The following LIMS1 variants were observed in gnomAD, a reference collection of about 807,000 sequenced individuals.
LIMS1 encodes the protein LIM zinc finger domain containing 1, also known as LIM and senescent cell antigen-like-containing domain protein 1.
LIMS1 carries 18 observed loss-of-function variants against 44.1 expected under a neutral mutation model. The observed-to-expected ratio is 0.41, with a 90% CI of 0.28 to 0.61. The LOEUF is 0.61. LIMS1 is among the 20% of genes least tolerant of loss of function. LIMS1 has a pLI of 0.32. For missense variants in LIMS1, 201 were observed against 422.0 expected, an observed-to-expected ratio of 0.48 and a Z score of 4.59; for synonymous variants, 93 against 149.1, an observed-to-expected ratio of 0.62 and a Z score of 2.74.
At chr2:108,630,086 T>G (rs1285581024) in intron 1 of LIMS1, among the ~76,000 whole-genome samples, 2 of 150,132 alleles carry the variant, frequency 1.3e-5, no homozygotes, top group Non-Finnish European at 3.0e-5. Flanking sequence ...CCTGGCAACT[T>G]GGGAGGCTGA....
intron 1 of LIMS1, chr2:108,607,166 C>A: frequency 3.9e-6 from 6 of 1,541,178 alleles, no homozygotes; most frequent in Non-Finnish European, 5.3e-6. Flanking sequence ...CATGTGAGGA[C>A]ACAGTGAGAG....
chr2:108,601,991 A>G (rs1687043087), intron 1 of LIMS1, among the ~76,000 whole-genome samples: 1 of 152,084 alleles, frequency 6.6e-6, no homozygotes, highest in African/African-American at 2.4e-5. Context: ...TCAGTGTTTT[A>G]TAGTTTTCAT....
At chr2:108,681,353 G>T in intron 9 of LIMS1, 4 of 984,444 alleles carry the variant, frequency 4.1e-6, no homozygotes, top group Non-Finnish European at 4.8e-6. Flanking sequence ...ATACAGTTTT[G>T]TGGTCATGTA....
chr2:108,672,475 G>A, intron 4 of LIMS1, 30 bp downstream of exon 4: 4 of 597,044 alleles, frequency 6.7e-6, no homozygotes, highest in Middle Eastern at 4.4e-4. Context: ...TGTCAGATGT[G>A]GGTGGACAAT....
chr2:108,618,247 C>T (rs1253670630), intron 1 of LIMS1, among the ~76,000 whole-genome samples: 1 of 152,128 alleles, frequency 6.6e-6, no homozygotes, highest in Non-Finnish European at 1.5e-5. Flanking sequence ...TACAGGCCTC[C>T]CTCTGTACTG....
intron 1 of LIMS1, among the ~76,000 whole-genome samples, chr2:108,631,455 CAAG>C: frequency 6.6e-6 from 1 of 151,986 alleles, no homozygotes; most frequent in African/African-American, 2.4e-5. Flanking sequence ...TAGACCTACT[CAAG>C]GAGGATTTAT....
intron 1 of LIMS1, among the ~76,000 whole-genome samples, chr2:108,611,747 C>A (rs563780576): frequency 6.6e-6 from 1 of 150,554 alleles, no homozygotes; most frequent in South Asian, 2.1e-4. Context: ...GGCGTGGTGG[C>A]ATGAGCCTGT....
intron 1 of LIMS1, among the ~76,000 whole-genome samples, chr2:108,545,144 C>T (rs1322923951): frequency 6.6e-6 from 1 of 152,038 alleles, no homozygotes; most frequent in Non-Finnish European, 1.5e-5. Context: ...TTTCTTTTCT[C>T]TTGTGATTTT....
intron 2 of LIMS1, among the ~76,000 whole-genome samples, chr2:108,669,617 T>G (rs1692024956): frequency 6.6e-6 from 1 of 152,070 alleles, no homozygotes; most frequent in African/African-American, 2.4e-5. Flanking sequence ...AGTGTATGAC[T>G]TTTGGCATAT....
chr2:108,589,170 G>A (rs1378381125), intron 1 of LIMS1, among the ~76,000 whole-genome samples: 2 of 151,304 alleles, frequency 1.3e-5, no homozygotes, highest in Admixed American at 1.3e-4. Context: ...TCATTAACAT[G>A]TAAAACGCTG....
intron 1 of LIMS1, among the ~76,000 whole-genome samples, chr2:108,549,942 A>G (rs1195937006): frequency 6.6e-6 from 1 of 152,234 alleles, no homozygotes; most frequent in Non-Finnish European, 1.5e-5. Flanking sequence ...GGGTGTGAGT[A>G]GATTTTGGTA....
chr2:108,635,364 G>C (rs979252618), intron 1 of LIMS1, among the ~76,000 whole-genome samples: 39 of 149,252 alleles, frequency 2.6e-4, no homozygotes, highest in African/African-American at 8.2e-4. Context: ...GAAGGCAGAA[G>C]TGGCAGTGAG....
chr2:108,594,151 G>A (rs989661114), intron 1 of LIMS1, among the ~76,000 whole-genome samples: 9 of 152,142 alleles, frequency 5.9e-5, no homozygotes, highest in African/African-American at 1.9e-4. Flanking sequence ...GGATATGGTC[G>A]ACAAGTGGTA....
chr2:108,587,739 A>C (rs1218242528), intron 1 of LIMS1, among the ~76,000 whole-genome samples: 1 of 152,204 alleles, frequency 6.6e-6, no homozygotes, highest in Non-Finnish European at 1.5e-5. Flanking sequence ...TCCAGTGGAA[A>C]CTTGGCACTG....
chr2:108,622,120 A>T (rs2148875054), intron 1 of LIMS1, among the ~76,000 whole-genome samples: 1 of 152,300 alleles, frequency 6.6e-6, no homozygotes, highest in East Asian at 1.9e-4. Context: ...AAAATACTGC[A>T]TTAACTGAAG....
intron 1 of LIMS1, among the ~76,000 whole-genome samples, chr2:108,638,573 G>A (rs1489157377): frequency 2.6e-5 from 4 of 151,942 alleles, no homozygotes; most frequent in African/African-American, 7.3e-5. Flanking sequence ...GTGAAACCCC[G>A]TCTCTACCAC....
chr2:108,543,827 T>G (rs1168879591), intron 1 of LIMS1, among the ~76,000 whole-genome samples: 1 of 152,206 alleles, frequency 6.6e-6, no homozygotes. Context: ...TGTAACTGGT[T>G]GCAGAAATAA....
intron 1 of LIMS1, among the ~76,000 whole-genome samples, chr2:108,647,000 C>T (rs926516835): frequency 9.2e-5 from 14 of 152,228 alleles, no homozygotes; most frequent in African/African-American, 3.4e-4. Flanking sequence ...GGATTACAGG[C>T]ATGAGTCACC....
At chr2:108,546,676 ATCT>A (rs1235824018) in intron 1 of LIMS1, among the ~76,000 whole-genome samples, 25 of 93,102 alleles carry the variant, frequency 2.7e-4, no homozygotes, top group African/African-American at 5.5e-4. Flanking sequence ...AATTTGAGTG[ATCT>A]TTTTTTTTTT....
Sources: allele counts gnomAD v4.1 joint callset (sites outside exome capture counted in the v4.1 genomes callset), GRCh38; gene constraint gnomAD v4.1.1; transcripts MANE v1.5; gene names NCBI Gene and HGNC (gene_info 2026-07-23, HGNC 2026-07-21).